Variants in ADGRV1 observed in about 807,000 individuals in gnomAD.
ADGRV1 encodes the protein adhesion G protein-coupled receptor V1.
ADGRV1 carries 359 observed loss-of-function variants against 596.2 expected under a neutral mutation model. That is an observed-to-expected ratio of 0.60 (90% CI 0.55 to 0.66). The LOEUF (loss-of-function observed/expected upper bound fraction) is 0.66, where lower values mean the gene tolerates loss of function less well. Ranked by LOEUF, ADGRV1 falls within the 30% of genes least tolerant of loss-of-function variation. The pLI is 0.00. For missense variants in ADGRV1, 7,274 were observed against 7,575.6 expected (o/e 0.96, Z 1.48); for synonymous variants, 2,681 against 2,679.2 (o/e 1.00, Z -0.02).
At chr5:91,127,309 G>A (rs73189079) in intron 87 of ADGRV1, among the ~76,000 whole-genome samples, 2,201 of 152,270 alleles carry the variant, frequency 0.014, 47 homozygotes, top group African/African-American at 0.051. Context: ...GGAGGCTGAT[G>A]TGGGCAGATT....
chr5:90,997,752 T>C (rs930789677), intron 85 of ADGRV1, among the ~76,000 whole-genome samples: 1 of 152,160 alleles, frequency 6.6e-6, no homozygotes, highest in South Asian at 2.1e-4. Flanking sequence ...AACTCAGGCA[T>C]GTTCTAGTTG....
chr5:90,767,178 A>C (rs191004425), intron 59 of ADGRV1, among the ~76,000 whole-genome samples: 102 of 152,350 alleles, frequency 6.7e-4, no homozygotes, highest in Non-Finnish European at 3.4e-4. Flanking sequence ...GATAATACAC[A>C]GTTAAAGTAA....
chr5:90,580,533 C>T (rs545165394), intron 1 of ADGRV1, among the ~76,000 whole-genome samples: 2 of 144,150 alleles, frequency 1.4e-5, no homozygotes, highest in South Asian at 4.2e-4. Context: ...TTCCCGCTTT[C>T]TCCTTCACTT....
chr5:90,732,178 G>GT (rs1554098248), intron 50 of ADGRV1, among the ~76,000 whole-genome samples: 3 of 151,850 alleles, frequency 2.0e-5, no homozygotes, highest in African/African-American at 2.4e-5. Context: ...TTAAAAAAAA[G>GT]TTTTTTTTAA....
At chr5:91,128,077 G>C (rs7733007) in intron 87 of ADGRV1, among the ~76,000 whole-genome samples, 1 of 151,622 alleles carries the variant, frequency 6.6e-6, no homozygotes, top group African/African-American at 2.4e-5. Context: ...CTTGCAACCT[G>C]TCTCCCAATG....
At chr5:91,132,258 TA>T in intron 87 of ADGRV1, among the ~76,000 whole-genome samples, 1 of 152,344 alleles carries the variant, frequency 6.6e-6, no homozygotes, top group Non-Finnish European at 1.5e-5. Context: ...CTATTTATAT[TA>T]AAAATCAAAA....
chr5:90,694,141 AGT>A lies in ADGRV1; in HGVS notation c.7388_7389del (p.Cys2463PhefsTer31). On this transcript the variant is annotated frameshift_variant, in exon 33 of 90. Coordinates refer to ENST00000405460, the MANE Select transcript of ADGRV1 (RefSeq NM_032119.4). LOFTEE classifies it high-confidence loss of function. ...TTTTTCAGTGCTTCTGAGGGTCCCC[AGT>A]GTTTCTGGATGACATCATGGATCAG... The A allele has an allele frequency of 6.2e-7, 1 of 1,613,814 alleles. No individual in the cohort carries two copies. The highest frequency in any genetic ancestry group is 1.1e-5 in the South Asian group (1 of 91,070).
At chr5:90,922,141 C>T (rs1183176059) in intron 83 of ADGRV1, among the ~76,000 whole-genome samples, 1 of 152,192 alleles carries the variant, frequency 6.6e-6, no homozygotes, top group African/African-American at 2.4e-5. Flanking sequence ...TCTTCCAGGG[C>T]CTTTCCTTCT....
At chr5:90,715,562 T>C (rs1749978282) in intron 42 of ADGRV1, among the ~76,000 whole-genome samples, 1 of 152,224 alleles carries the variant, frequency 6.6e-6, no homozygotes, top group African/African-American at 2.4e-5. Flanking sequence ...AGTTATACAT[T>C]AAAATTTTGT....
chr5:91,016,785 C>T (rs944423175), intron 85 of ADGRV1, among the ~76,000 whole-genome samples: 12 of 151,800 alleles, frequency 7.9e-5, no homozygotes, highest in African/African-American at 2.9e-4. Context: ...TTTTAAGCAC[C>T]TTCTATGTGC....
At position 90,750,538 on chromosome 5, in the gene ADGRV1, T is replaced by C. The variant is rs373242220; in HGVS notation, c.10975-13T>C. 27 of 1,589,154 alleles carry C rather than the reference T, an allele frequency of 1.7e-5. No homozygotes were observed. The highest frequency in any genetic ancestry group is 2.3e-5 in the Non-Finnish European group (27 of 1,165,410). ...TCAGGGAACCCCTTGTGACTTTCTG[T>C]GTATTTTTTCAGAATTCATTATATA... On this transcript the variant is annotated splice_polypyrimidine_tract_variant and intron_variant, in intron 52 of 89. Coordinates refer to ENST00000405460, the MANE Select transcript of ADGRV1 (RefSeq NM_032119.4).
intron 58 of ADGRV1, among the ~76,000 whole-genome samples, chr5:90,760,512 T>C (rs1756407149): frequency 6.6e-6 from 1 of 152,206 alleles, no homozygotes; most frequent in Admixed American, 6.5e-5. Context: ...CTCTGCCTGC[T>C]TTACTGCCAG....
At chr5:91,093,182 G>T (rs771419506) in intron 86 of ADGRV1, among the ~76,000 whole-genome samples, 2 of 152,160 alleles carry the variant, frequency 1.3e-5, no homozygotes, top group Non-Finnish European at 2.9e-5. Flanking sequence ...GAGTTTGGCT[G>T]AGGCCCACCC....
At chr5:91,068,469 A>G (rs1171765542) in intron 85 of ADGRV1, among the ~76,000 whole-genome samples, 3 of 135,814 alleles carry the variant, frequency 2.2e-5, no homozygotes, top group African/African-American at 9.6e-5. Flanking sequence ...ACTCCATCTC[A>G]AAAAAAAAAA....
At chr5:90,737,309 T>C (rs1225339284) in intron 50 of ADGRV1, among the ~76,000 whole-genome samples, 1 of 152,050 alleles carries the variant, frequency 6.6e-6, no homozygotes, top group Non-Finnish European at 1.5e-5. Flanking sequence ...TGCTATGCTT[T>C]CAGTGCTCTT....
chr5:90,745,684 C>T lies in ADGRV1; in HGVS notation c.10863C>T (p.Phe3621=). 6.2e-7 allele frequency: 1 copy of T among 1,611,746 alleles called. No homozygotes were observed. Among genetic ancestry groups the T allele is most frequent in the Non-Finnish European group, 8.5e-7 (1 of 1,178,178 alleles). ...CAGTTCCAGAAAAAGAAGAATCCTT[C>T]AAAGTTCAACTTAAAAATCCCAAAG... ...DDTVPEKEES[F]KVQLKNPKGG... Residue 3621 remains phenylalanine (F), a synonymous_variant, in exon 52 of 90, where the codon TTC becomes TTT. Transcript: ENST00000405460.
intron 83 of ADGRV1, among the ~76,000 whole-genome samples, chr5:90,919,442 C>T (rs1445694329): frequency 1.3e-5 from 2 of 152,050 alleles, no homozygotes; most frequent in African/African-American, 2.4e-5. Context: ...GTTTTTACAC[C>T]TTCTAATTTG....
chr5:90,955,438 A>G (rs777830951), intron 83 of ADGRV1, among the ~76,000 whole-genome samples: 1 of 152,156 alleles, frequency 6.6e-6, no homozygotes, highest in Admixed American at 6.6e-5. Context: ...TTATTCAAAC[A>G]TCCCAGGCCT....
chr5:90,705,051 G>A (rs144160423), intron 36 of ADGRV1, among the ~76,000 whole-genome samples: 451 of 152,112 alleles, frequency 3.0e-3, no homozygotes, highest in African/African-American at 9.8e-3. Flanking sequence ...CTTGTGATCC[G>A]CCTGTCTCGC....
Sources: allele counts gnomAD v4.1 joint callset (sites outside exome capture counted in the v4.1 genomes callset), GRCh38; gene constraint gnomAD v4.1.1; transcripts MANE v1.5; gene names NCBI Gene and HGNC (gene_info 2026-07-23, HGNC 2026-07-21).